The following ATXN10 variants were observed in gnomAD, a reference collection of about 807,000 sequenced individuals.
ATXN10 encodes ataxin 10.
ATXN10 carries 28 observed loss-of-function variants against 52.9 expected under a neutral mutation model. That is an observed-to-expected ratio of 0.53 (90% CI 0.39 to 0.73). The LOEUF (loss-of-function observed/expected upper bound fraction) is 0.73, where lower values mean the gene tolerates loss of function less well. ATXN10 is among the 30% of genes least tolerant of loss of function. The pLI, the probability that ATXN10 is intolerant of heterozygous loss-of-function variation, is 0.00. For missense variants in ATXN10, 565 were observed against 577.0 expected (o/e 0.98, Z 0.21); for synonymous variants, 226 against 221.5 (o/e 1.02, Z -0.18).
chr22:45,702,644 C>T lies in ATXN10; in HGVS notation c.489-45C>T, dbSNP rs568027736. 6 of 1,600,128 alleles carry T rather than the reference C, an allele frequency of 3.7e-6. No individual in the cohort carries two copies. The South Asian group carries it at 4.4e-5, about 12-fold the overall frequency. On this transcript the variant is annotated intron_variant, in intron 4 of 11. Transcript: ENST00000252934. ...TATTACTGTTATTTTTGTGTTTTAT[C>T]ATGTTACTAAATTGGGCTAACAATC... is the stretch of plus-strand genomic sequence containing the variant.
intron 1 of ATXN10, among the ~76,000 whole-genome samples, chr22:45,685,581 G>C (rs1288649242): frequency 6.6e-6 from 1 of 152,176 alleles, no homozygotes; most frequent in Non-Finnish European, 1.5e-5. Context: ...ATATTTAGCT[G>C]CATTGTCTTG....
chr22:45,770,488 A>G lies in ATXN10; in HGVS notation c.1173+29950A>G, dbSNP rs1168481140. 6.6e-6 allele frequency among the ~76,000 whole-genome samples: 1 copy of G among 152,216 alleles called. No homozygotes were observed. The highest frequency in any genetic ancestry group is 1.5e-5 in the Non-Finnish European group (1 of 68,038). Reference sequence around the variant, plus strand: ...GTTGCAACATTAGGTTGCAATGCATATGTGTTTCTTACGATCAGATAAATT... The same window carrying G: ...GTTGCAACATTAGGTTGCAATGCATGTGTGTTTCTTACGATCAGATAAATT... On this transcript the variant is annotated intron_variant, in intron 9 of 11. Coordinates refer to ENST00000252934, the MANE Select transcript of ATXN10 (RefSeq NM_013236.4). This position sits in a 1 kb window ranked among gnomAD's most constrained non-coding sequence, Gnocchi z 4.5.
At chr22:45,700,423 G>C in intron 4 of ATXN10, 45 bp downstream of exon 4, 1 of 1,479,000 alleles carries the variant, frequency 6.8e-7, no homozygotes, top group Non-Finnish European at 9.4e-7. Context: ...AGAAGATTGT[G>C]GCTATATTTT....
intron 10 of ATXN10, among the ~76,000 whole-genome samples, chr22:45,813,804 C>T (rs994804553): frequency 6.6e-5 from 10 of 152,236 alleles, no homozygotes; most frequent in Middle Eastern, 3.4e-3. Context: ...GTACAAATAT[C>T]CTATGTAGCT....
At position 45,774,855 on chromosome 22, in the gene ATXN10, C is replaced by A. The variant is rs1283142516; in HGVS notation, c.1174-32104C>A. 6.6e-6 allele frequency among the ~76,000 whole-genome samples: 1 copy of A among 152,174 alleles called. No individual in the cohort carries two copies. The highest frequency in any genetic ancestry group is 2.4e-5 in the African/African-American group (1 of 41,444). ...GGCTGAGGCAGGAGAATCACTTAAA[C>A]CTGGGAGGTGGAGGTGGCAGGCTGC... On this transcript the variant is annotated intron_variant, in intron 9 of 11. Coordinates refer to ENST00000252934, the MANE Select transcript of ATXN10 (RefSeq NM_013236.4). The surrounding 1 kb of genome is among the most constrained non-coding windows in gnomAD (Gnocchi z 6.2).
intron 9 of ATXN10, among the ~76,000 whole-genome samples, chr22:45,785,425 A>C (rs1680435549): frequency 1.3e-5 from 2 of 152,180 alleles, no homozygotes; most frequent in South Asian, 4.1e-4. Flanking sequence ...TTTTTTTCTT[A>C]TGATTCAGCT....
At chr22:45,812,502 CAAGAG>C in intron 10 of ATXN10, among the ~76,000 whole-genome samples, 1 of 152,102 alleles carries the variant, frequency 6.6e-6, no homozygotes. Context: ...GTTCTAAGCT[CAAGAG>C]AAATGTCTCC....
rs1923240235 is a variant in ATXN10 at position 45,688,579 on chromosome 22, C to G, written c.117-1133C>G. ...CATGGTACTGAAGTTCAAGGAAAGA[C>G]GTGTTTCCTCTGCCCCCGGAAAAGG... is the stretch of plus-strand genomic sequence containing the variant. On this transcript the variant is annotated intron_variant, in intron 1 of 11. Coordinates refer to ENST00000252934, the MANE Select transcript of ATXN10 (RefSeq NM_013236.4). The surrounding 1 kb of genome is among the most constrained non-coding windows in gnomAD (Gnocchi z 4.0). 6.6e-6 allele frequency among the ~76,000 whole-genome samples: 1 copy of G among 152,150 alleles called. No individual in the cohort carries two copies. Among genetic ancestry groups the G allele is most frequent in the African/African-American group, 2.4e-5 (1 of 41,440 alleles).
chr22:45,821,256 C>T (rs952149338), intron 10 of ATXN10, among the ~76,000 whole-genome samples: 2 of 151,848 alleles, frequency 1.3e-5, no homozygotes, highest in African/African-American at 4.8e-5. Context: ...GTGGCTCACG[C>T]CTCCCAGCTA....
In ATXN10 at chr22:45,795,394, TA is replaced by T. The variant is rs1927685672; in HGVS notation, c.1174-11564del. On this transcript the variant is annotated intron_variant, in intron 9 of 11. Coordinates refer to ENST00000252934, the MANE Select transcript of ATXN10 (RefSeq NM_013236.4). The surrounding 1 kb of genome is among the most constrained non-coding windows in gnomAD (Gnocchi z 4.6). ...TATTCTATTCTATTCTATTCTATTCTATTCTATTCTATTCTATTCTATTCTA... is the reference window on the plus strand; with the variant it reads ...TATTCTATTCTATTCTATTCTATTCTTTCTATTCTATTCTATTCTATTCTA... 6.7e-6 allele frequency among the ~76,000 whole-genome samples: 1 copy of T among 150,042 alleles called. No individual in the cohort carries two copies. The highest frequency in any genetic ancestry group is 1.5e-5 in the Non-Finnish European group (1 of 67,790).
intron 5 of ATXN10, among the ~76,000 whole-genome samples, chr22:45,709,026 T>C (rs1443386630): frequency 6.6e-6 from 1 of 152,204 alleles, no homozygotes; most frequent in Non-Finnish European, 1.5e-5. Flanking sequence ...TTTTTGTTAG[T>C]ATTTGGGTTA....
At chr22:45,672,260 C>T (rs1421950088) in intron 1 of ATXN10, 81 bp downstream of exon 1, 2 of 1,254,446 alleles carry the variant, frequency 1.6e-6, no homozygotes, top group Non-Finnish European at 2.0e-6. Context: ...TGGACCCAGG[C>T]GCCGCCCCCG....
rs142128778 is a variant in ATXN10, at chr22:45,814,717, G to A, written c.1237+7695G>A. On this transcript the variant is annotated intron_variant, in intron 10 of 11. Transcript: ENST00000252934. The stretch of plus-strand genomic sequence containing the variant: ...GGGCAGCACAGCTGGAGGTGAGCAA[G>A]CATCAATCACCACCTGAGCTCCGTC... Among the ~76,000 whole-genome samples the A allele has an allele frequency of 1.2e-4, 18 of 152,306 alleles. No homozygotes were observed. In the East Asian group the frequency reaches 3.3e-3, roughly 28 times the overall value.
At position 45,744,731 on chromosome 22, in the gene ATXN10, C is replaced by T. The variant is rs1344984427; in HGVS notation, c.1173+4193C>T. On this transcript the variant is annotated intron_variant, in intron 9 of 11. Transcript: ENST00000252934. The surrounding 1 kb of genome is among the most constrained non-coding windows in gnomAD (Gnocchi z 4.9). ...GAGCATTTCTCTCTAAGGACAGGCA[C>T]TGGACTGCCAGGAGCATGGTATCAA... 1 of 152,214 alleles carries T rather than the reference C, an allele frequency of 6.6e-6. No individual in the cohort carries two copies. Among genetic ancestry groups the T allele is most frequent in the Admixed American group, 6.5e-5 (1 of 15,282 alleles). The allele number at this position is 152,214 out of a possible 1,614,324, so 9.4% of individuals were successfully genotyped here.
At chr22:45,735,812 C>CTTTTTTTTTTTT (rs746222703) in intron 7 of ATXN10, among the ~76,000 whole-genome samples, 27 of 65,818 alleles carry the variant, frequency 4.1e-4, no homozygotes, top group East Asian at 5.7e-4. Context: ...ATTTGCTTGT[C>CTTTTTTTTTTTT]TTTTTTTTTT....
intron 3 of ATXN10, among the ~76,000 whole-genome samples, chr22:45,697,832 G>C (rs1029048943): frequency 4.0e-5 from 6 of 151,740 alleles, no homozygotes; most frequent in Non-Finnish European, 8.8e-5. Context: ...GGGTTTCACC[G>C]TGTTAGCCAG....
intron 9 of ATXN10, among the ~76,000 whole-genome samples, chr22:45,756,979 A>C (rs1926195558): frequency 1.3e-5 from 2 of 152,208 alleles, no homozygotes; most frequent in Non-Finnish European, 2.9e-5. Context: ...CTCCATCAGC[A>C]CGTGGAAACT....
At chr22:45,726,927 T>C (rs1252001649) in intron 6 of ATXN10, among the ~76,000 whole-genome samples, 1 of 152,178 alleles carries the variant, frequency 6.6e-6, no homozygotes, top group African/African-American at 2.4e-5. Context: ...GCAATCCTCC[T>C]GCCTTTGCCT....
chr22:45,807,966 T>C (rs1489320801), intron 10 of ATXN10, among the ~76,000 whole-genome samples: 1 of 152,232 alleles, frequency 6.6e-6, no homozygotes, highest in South Asian at 2.1e-4. Context: ...AAATCATGTG[T>C]TTCAAAGTAA....
Sources: gnomAD v4.1 joint callset for allele counts (sites outside exome capture counted in the v4.1 genomes callset) on GRCh38, gnomAD v4.1.1 for gene constraint, Gnocchi (gnomAD v3.1) non-coding constraint, MANE v1.5 for transcripts, NCBI Gene and HGNC (gene_info 2026-07-23, HGNC 2026-07-21) for gene names.